The following ERBB4 variants were observed in gnomAD, a reference collection of about 807,000 sequenced individuals.
ERBB4 encodes the protein receptor tyrosine-protein kinase erbB-4.
A neutral mutation model predicts 158.0 loss-of-function variants in ERBB4; 42 were observed. That is an observed-to-expected ratio of 0.27 (90% CI 0.21 to 0.34). ERBB4 has a LOEUF of 0.34. Among genes scored for constraint, ERBB4 ranks in the 10% least tolerant of loss-of-function variants. The pLI is 1.00. For synonymous variants in ERBB4, 583 were observed against 558.7 expected (o/e 1.04, Z -0.61); for missense variants, 1,333 against 1,624.1 (o/e 0.82, Z 3.08).
chr2:211,836,515 T>C (rs1260185818), intron 3 of ERBB4, among the ~76,000 whole-genome samples: 2 of 152,070 alleles, frequency 1.3e-5, no homozygotes, highest in East Asian at 1.9e-4. Context: ...TCACATATAT[T>C]GGTACTCTCT....
At chr2:212,130,157 C>T (rs555584223) in intron 1 of ERBB4, among the ~76,000 whole-genome samples, 1 of 152,208 alleles carries the variant, frequency 6.6e-6, no homozygotes, top group East Asian at 1.9e-4. Flanking sequence ...ACAAGTTTAA[C>T]AAAATTCAGC....
intron 19 of ERBB4, among the ~76,000 whole-genome samples, chr2:211,612,714 C>T (rs1341215211): frequency 6.6e-6 from 1 of 151,930 alleles, no homozygotes; most frequent in Non-Finnish European, 1.5e-5. Flanking sequence ...ATGCAGAGGA[C>T]CTGCACAATT....
At chr2:211,801,705 G>C (rs2076501669) in intron 3 of ERBB4, among the ~76,000 whole-genome samples, 1 of 152,058 alleles carries the variant, frequency 6.6e-6, no homozygotes, top group South Asian at 2.1e-4. Flanking sequence ...AATATTTTTA[G>C]AAGTTTCATG....
rs1210419942 is a variant in ERBB4 at position 211,580,727 on chromosome 2, T to C, written c.2302-18639A>G. Among the ~76,000 whole-genome samples the C allele has an allele frequency of 4.2e-5, 6 of 143,462 alleles. 1 individual carries two copies. Among genetic ancestry groups the C allele is most frequent in the Middle Eastern group, 3.5e-3 (1 of 284 alleles). 94.1% of individuals were successfully genotyped at this position (143,462 alleles called of 152,430 possible). A position where few individuals can be genotyped will look rare whatever the true frequency, so the allele number is the denominator to read the frequency against. ...ATGTTTATAGCAGCACAATTTGCAA[T>C]TGCAAAAACGTGGAACCAACCCAAA... On this transcript the variant is annotated intron_variant, in intron 19 of 27. Transcript: ENST00000342788.
Position 211,486,903 on chromosome 2 carries a change from A to G in ERBB4, c.2488-55803T>C, listed in dbSNP as rs186839876. Among the ~76,000 whole-genome samples the G allele has an allele frequency of 4.5e-4, 69 of 152,276 alleles. No homozygotes were observed. In the Middle Eastern group the frequency reaches 0.01, roughly 23 times the overall value. ...ATTCAGGTTGATGAGGAGATTTGGT[A>G]CAGAGTGTCTTTGTATAGAATATAA... is the stretch of plus-strand genomic sequence containing the variant. On this transcript the variant is annotated intron_variant, in intron 20 of 27. Coordinates refer to ENST00000342788, the MANE Select transcript of ERBB4 (RefSeq NM_005235.3).
At chr2:211,529,292 G>A (rs994865615) in intron 20 of ERBB4, among the ~76,000 whole-genome samples, 1 of 151,600 alleles carries the variant, frequency 6.6e-6, no homozygotes, top group African/African-American at 2.4e-5. Flanking sequence ...ACAACCTACC[G>A]AGATTGAACC....
intron 1 of ERBB4, among the ~76,000 whole-genome samples, chr2:212,293,810 T>A (rs1429331969): frequency 8.2e-6 from 1 of 121,298 alleles, no homozygotes; most frequent in African/African-American, 3.2e-5. Flanking sequence ...ATAGTGCCAC[T>A]GCACTCCAGC....
At chr2:211,726,806 T>C (rs562025946) in intron 5 of ERBB4, among the ~76,000 whole-genome samples, 1 of 152,268 alleles carries the variant, frequency 6.6e-6, no homozygotes, top group African/African-American at 2.4e-5. Context: ...AGTATGAAAC[T>C]TATGACCATC....
intron 1 of ERBB4, among the ~76,000 whole-genome samples, chr2:212,407,140 C>T (rs2091368989): frequency 2.0e-5 from 3 of 150,850 alleles, no homozygotes; most frequent in Admixed American, 6.6e-5. Flanking sequence ...ATATACATAA[C>T]ATATATTATA....
intron 1 of ERBB4, among the ~76,000 whole-genome samples, chr2:212,535,302 A>C (rs1692988248): frequency 6.6e-6 from 1 of 152,190 alleles, no homozygotes; most frequent in African/African-American, 2.4e-5. Flanking sequence ...ATGTGCTTAC[A>C]GTAAACACTT....
chr2:212,479,480 G>C (rs539505454), intron 1 of ERBB4, among the ~76,000 whole-genome samples: 46 of 152,186 alleles, frequency 3.0e-4, no homozygotes, highest in Non-Finnish European at 6.2e-4. Flanking sequence ...AAACACAAGA[G>C]CACCCAATAT....
intron 2 of ERBB4, among the ~76,000 whole-genome samples, chr2:211,974,511 T>G (rs1281052350): frequency 6.6e-6 from 1 of 152,188 alleles, no homozygotes; most frequent in Non-Finnish European, 1.5e-5. Context: ...TATCCAAACC[T>G]TCTTAGTCTT....
chr2:211,856,016 T>A (rs2106050946), intron 3 of ERBB4, among the ~76,000 whole-genome samples: 1 of 152,258 alleles, frequency 6.6e-6, no homozygotes, highest in South Asian at 2.1e-4. Context: ...GGGTACAACG[T>A]ACCTTATTTG....
At chr2:211,642,559 G>A (rs180920086) in intron 16 of ERBB4, among the ~76,000 whole-genome samples, 1 of 151,996 alleles carries the variant, frequency 6.6e-6, no homozygotes, top group Non-Finnish European at 1.5e-5. Context: ...TGATAAGCAA[G>A]CATATTCAGA....
At chr2:211,624,630 A>G (rs1271972986) in intron 17 of ERBB4, among the ~76,000 whole-genome samples, 1 of 152,238 alleles carries the variant, frequency 6.6e-6, no homozygotes, top group Non-Finnish European at 1.5e-5. Context: ...TGTTAAATCA[A>G]TAGTTCTAAA....
At chr2:211,453,629 T>C (rs2064304477) in intron 20 of ERBB4, among the ~76,000 whole-genome samples, 1 of 152,182 alleles carries the variant, frequency 6.6e-6, no homozygotes, top group Non-Finnish European at 1.5e-5. Flanking sequence ...TTAGAGTGCT[T>C]TGGATCGTAA....
chr2:211,870,715 G>C (rs940864992), intron 3 of ERBB4, among the ~76,000 whole-genome samples: 13 of 151,756 alleles, frequency 8.6e-5, no homozygotes, highest in Admixed American at 2.0e-4. Flanking sequence ...ATTCTCAAAG[G>C]GACTCCTCAA....
At chr2:212,069,805 G>A (rs568535535) in intron 2 of ERBB4, among the ~76,000 whole-genome samples, 2 of 151,904 alleles carry the variant, frequency 1.3e-5, no homozygotes, top group Admixed American at 6.6e-5. Context: ...AAAACAATTC[G>A]ATTTACACTA....
intron 1 of ERBB4, among the ~76,000 whole-genome samples, chr2:212,241,278 TA>T (rs67393658): frequency 0.041 from 6,265 of 151,454 alleles, 391 homozygotes; most frequent in African/African-American, 0.14. Flanking sequence ...AATAAAAAAA[TA>T]AAAAAAATTT....
Sources: gnomAD v4.1 joint callset for allele counts (sites outside exome capture counted in the v4.1 genomes callset) on GRCh38, gnomAD v4.1.1 for gene constraint, MANE v1.5 for transcripts, NCBI Gene and HGNC (gene_info 2026-07-23, HGNC 2026-07-21) for gene names.